The following ZGRF1 variants were observed in gnomAD, a reference collection of about 807,000 sequenced individuals.
The protein encoded by ZGRF1 is zinc finger GRF-type containing 1.
ZGRF1 carries 196 observed loss-of-function variants against 203.5 expected under a neutral mutation model. That is an observed-to-expected ratio of 0.96 (90% CI 0.86 to 1.08). The LOEUF (loss-of-function observed/expected upper bound fraction) is 1.08. Among genes scored for constraint, ZGRF1 ranks in the 50% least tolerant of loss-of-function variants. The pLI is 0.00. For synonymous variants in ZGRF1, 809 were observed against 841.3 expected, an observed-to-expected ratio of 0.96 and a Z score of 0.66; for missense variants, 2,326 against 2,416.3, an observed-to-expected ratio of 0.96 and a Z score of 0.78.
intron 22 of ZGRF1, among the ~76,000 whole-genome samples, chr4:112,551,683 G>A (rs2148853234): frequency 1.3e-5 from 2 of 152,094 alleles, no homozygotes; most frequent in East Asian, 3.9e-4. Flanking sequence ...ATCAAGCTTT[G>A]GTGCCACTCT....
intron 20 of ZGRF1, among the ~76,000 whole-genome samples, chr4:112,556,111 C>T (rs1740896462): frequency 6.6e-6 from 1 of 151,468 alleles, no homozygotes; most frequent in African/African-American, 2.4e-5. Context: ...CTCAGCCACT[C>T]TTTTAAATTG....
At position 112,619,149 on chromosome 4, in the gene ZGRF1, T is replaced by C. The variant is rs374338988; in HGVS notation, c.893A>G (p.Gln298Arg). 2 of 1,613,752 alleles carry C rather than the reference T, an allele frequency of 1.2e-6. No homozygotes were observed. The highest frequency in any genetic ancestry group is 1.3e-5 in the African/African-American group (1 of 74,930). Residue 298 changes from glutamine to arginine, a missense_variant, in exon 6 of 28, where the codon CAA becomes CGA. Physicochemically the swap from Gln to Arg is conservative, Grantham distance 43 (BLOSUM62 1). Coordinates refer to ENST00000505019, the MANE Select transcript of ZGRF1 (RefSeq NM_018392.5). ...KIATKPKYLI[Q>R]QEECAEMKST... is the part of the protein sequence containing the mutation. ...CTTCATCTCAGCACACTCTTCCTGT[T>C]GAATTAGGTACTTTGGTTTAGTAGC...
intron 6 of ZGRF1, among the ~76,000 whole-genome samples, chr4:112,614,983 T>G (rs571814051): frequency 3.2e-4 from 49 of 152,278 alleles, no homozygotes; most frequent in African/African-American, 1.1e-3. Context: ...TGTTAATGAA[T>G]TAACAATATA....
chr4:112,602,422 T>TGA (rs1750126598), intron 10 of ZGRF1, among the ~76,000 whole-genome samples: 1 of 152,234 alleles, frequency 6.6e-6, no homozygotes, highest in African/African-American at 2.4e-5. Flanking sequence ...GGCACTCTCA[T>TGA]ACACTCCTAA....
Position 112,619,146 on chromosome 4 carries a change from T to C in ZGRF1, c.896A>G (p.Gln299Arg), listed in dbSNP as rs1387089684. The C allele has an allele frequency of 4.3e-6, 7 of 1,613,858 alleles. No homozygotes were observed. Among genetic ancestry groups the C allele is most frequent in the Non-Finnish European group, 5.9e-6 (7 of 1,179,970 alleles). The change falls in exon 6 of 28, where the codon CAG (glutamine) becomes CGG (arginine). Residue 299 changes from glutamine to arginine, a missense_variant. Physicochemically the swap from Gln to Arg is conservative, Grantham distance 43. Coordinates refer to ENST00000505019, the MANE Select transcript of ZGRF1 (RefSeq NM_018392.5). ...IATKPKYLIQQEECAEMKSTE... is the reference protein window; with the variant it reads ...IATKPKYLIQREECAEMKSTE... The stretch of plus-strand genomic sequence containing the variant: ...GCTCTTCATCTCAGCACACTCTTCC[T>C]GTTGAATTAGGTACTTTGGTTTAGT...
intron 7 of ZGRF1, chr4:112,610,692 T>C (rs1473961995): frequency 6.5e-6 from 1 of 152,996 alleles, no homozygotes; most frequent in Non-Finnish European, 1.5e-5. Context: ...AAACTTAAAA[T>C]GCAAACAATG....
Position 112,620,173 on chromosome 4 carries a change from G to C in ZGRF1, c.180C>G (p.Asp60Glu). The change falls in exon 5 of 28, where the codon GAC (aspartate) becomes GAG (glutamate). Residue 60 changes from aspartate to glutamate, a missense_variant. Coordinates refer to ENST00000505019, the MANE Select transcript of ZGRF1 (RefSeq NM_018392.5). ...LKCLEVKPGD[D>E]LESDRYLITV... is the part of the protein sequence containing the mutation. ...TGATTAAGTATCGATCACTTTCTAA[G>C]TCATCTCCAGGTTTCACCTGAAAGA... 6.2e-7 allele frequency: 1 copy of C among 1,600,050 alleles called. No individual in the cohort carries two copies. Among genetic ancestry groups the C allele is most frequent in the Non-Finnish European group, 8.5e-7 (1 of 1,175,718 alleles).
At position 112,618,909 on chromosome 4, in the gene ZGRF1, T is replaced by G. The variant is rs139173313; in HGVS notation, c.1133A>C (p.Tyr378Ser). The G allele has an allele frequency of 2.5e-4, 407 of 1,613,958 alleles. 1 individual carries two copies. In the African/African-American group the frequency reaches 4.5e-3, roughly 18 times the overall value. The stretch of plus-strand genomic sequence containing the variant: ...ATTATACTTTTTCCTCTCTTCAGCA[T>G]ACGTTTCAACGAACTGTATAATTTT... ...LQKIIQFVET[Y>S]AEERKKYNVD... Residue 378 changes from tyrosine (Y) to serine (S), a missense_variant, in exon 6 of 28, where the codon TAT becomes TCT. Tyr to Ser is a moderately radical substitution (Grantham distance 144). Coordinates refer to ENST00000505019, the MANE Select transcript of ZGRF1 (RefSeq NM_018392.5).
chr4:112,619,485 T>C lies in ZGRF1; in HGVS notation c.557A>G (p.Glu186Gly). Residue 186 changes from glutamate (E) to glycine (G), a missense_variant, in exon 6 of 28, where the codon GAG becomes GGG. Glu to Gly is a moderately conservative substitution (Grantham distance 98). Coordinates refer to ENST00000505019, the MANE Select transcript of ZGRF1 (RefSeq NM_018392.5). ...PENIVTYKNR[E>G]RNAMDFSSVF... is the part of the protein sequence containing the mutation. ...CGAAGAAAAATCCATGGCATTTCTC[T>C]CCCTGTTCTTGTAAGTCACAATGTT... 6.2e-7 allele frequency: 1 copy of C among 1,613,214 alleles called. No homozygotes were observed. The highest frequency in any genetic ancestry group is 1.3e-5 in the African/African-American group (1 of 75,010).
chr4:112,581,613 T>C, intron 16 of ZGRF1, 50 bp downstream of exon 16: 2 of 1,372,338 alleles, frequency 1.5e-6, no homozygotes, highest in East Asian at 2.7e-5. Flanking sequence ...CTGTATGTAA[T>C]GGAGATAATA....
intron 23 of ZGRF1, 22 bp downstream of exon 23, chr4:112,548,231 G>T: frequency 6.4e-7 from 1 of 1,551,166 alleles, no homozygotes; most frequent in South Asian, 1.2e-5. Flanking sequence ...ATTACCCCTG[G>T]GGAAAGAATC....
At chr4:112,557,747 T>C (rs1424524583) in intron 20 of ZGRF1, among the ~76,000 whole-genome samples, 2 of 152,186 alleles carry the variant, frequency 1.3e-5, no homozygotes, top group Non-Finnish European at 2.9e-5. Flanking sequence ...GAGACATTAC[T>C]TCATCAGTCA....
intron 6 of ZGRF1, among the ~76,000 whole-genome samples, chr4:112,616,553 T>C (rs1186011637): frequency 7.2e-6 from 1 of 138,888 alleles, no homozygotes; most frequent in Non-Finnish European, 1.5e-5. Context: ...AACACAATTA[T>C]GGGCCAGGAG....
Position 112,623,848 on chromosome 4 carries a change from C to G in ZGRF1, c.131G>C (p.Cys44Ser), listed in dbSNP as rs2149181901. The G allele has an allele frequency of 2.5e-6, 4 of 1,586,562 alleles. No homozygotes were observed. The highest frequency in any genetic ancestry group is 3.5e-6 in the Non-Finnish European group (4 of 1,158,782). The change falls in exon 4 of 28, where the codon TGT (cysteine) becomes TCT (serine). Residue 44 changes from cysteine (C) to serine (S), a missense_variant. Coordinates refer to ENST00000505019, the MANE Select transcript of ZGRF1 (RefSeq NM_018392.5). ...GCATTTAAGAAACAGACTCTCCAAA[C>G]ATGCTCCTTTGTCATCATATAAAAT... is the stretch of plus-strand genomic sequence containing the variant. ...KAILYDDKGA[C>S]LESLFLKCLE...
chr4:112,628,487 A>G (rs974744647), intron 3 of ZGRF1: 1 of 433,320 alleles, frequency 2.3e-6, no homozygotes, highest in Non-Finnish European at 4.6e-6. Flanking sequence ...TTGATGACTT[A>G]TTCAGTGGAA....
intron 6 of ZGRF1, among the ~76,000 whole-genome samples, chr4:112,615,701 T>C (rs1035541462): frequency 1.3e-5 from 2 of 151,488 alleles, no homozygotes; most frequent in African/African-American, 4.9e-5. Context: ...TGGCATGATC[T>C]CGGCTCACTG....
chr4:112,609,813 A>T (rs948390966), intron 7 of ZGRF1, among the ~76,000 whole-genome samples: 36 of 151,782 alleles, frequency 2.4e-4, no homozygotes, highest in Non-Finnish European at 4.0e-4. Flanking sequence ...CGAAGAAAAA[A>T]AAAAAAGAAA....
intron 15 of ZGRF1, 142 bp downstream of exon 15, chr4:112,583,836 A>G (rs1746694372): frequency 1.9e-6 from 1 of 526,556 alleles, no homozygotes. Context: ...ACTTATTCCC[A>G]TTTTGCAGGT....
At chr4:112,550,054 G>T (rs112191830) in intron 22 of ZGRF1, among the ~76,000 whole-genome samples, 1 of 152,028 alleles carries the variant, frequency 6.6e-6, no homozygotes. Flanking sequence ...TTAGCCGGGC[G>T]TGGTGGCGGT....
Sources: gnomAD v4.1 joint callset for allele counts (sites outside exome capture counted in the v4.1 genomes callset) on GRCh38, gnomAD v4.1.1 for gene constraint, MANE v1.5 for transcripts, NCBI Gene and HGNC (gene_info 2026-07-23, HGNC 2026-07-21) for gene names.